Variants in FAM53A observed in about 807,000 individuals in gnomAD.
FAM53A encodes the protein protein FAM53A.
A neutral mutation model predicts 26.6 loss-of-function variants in FAM53A; 28 were observed. The observed-to-expected ratio is 1.05, with a 90% CI of 0.78 to 1.45. The LOEUF is 1.45. FAM53A is among the 40% of genes most tolerant of loss of function. FAM53A has a pLI of 0.00. For synonymous variants in FAM53A, 290 were observed against 253.1 expected (o/e 1.15, Z -1.38); for missense variants, 650 against 575.8 (o/e 1.13, Z -1.32).
At chr4:1,648,224 A>C (rs993752696) in intron 4 of FAM53A, among the ~76,000 whole-genome samples, 3 of 152,120 alleles carry the variant, frequency 2.0e-5, no homozygotes, top group Admixed American at 6.6e-5. Flanking sequence ...AAAACAAAAC[A>C]AAACCAGGAA....
chr4:1,624,129 G>A (rs1313528742), intron 1 of FAM53A, among the ~76,000 whole-genome samples: 1 of 152,232 alleles, frequency 6.6e-6, no homozygotes, highest in East Asian at 1.9e-4. Context: ...AGGCATAGAA[G>A]AGCCCCTTGC....
downstream of FAM53A, among the ~76,000 whole-genome samples, chr4:1,638,149 G>C (rs1030623904): frequency 2.0e-5 from 3 of 152,056 alleles, no homozygotes; most frequent in Non-Finnish European, 4.4e-5. Flanking sequence ...CCTCAGGCAG[G>C]TGACCCTGCA....
At chr4:1,650,430 G>A (rs1313204002) in intron 4 of FAM53A, among the ~76,000 whole-genome samples, 2 of 150,196 alleles carry the variant, frequency 1.3e-5, no homozygotes, top group Admixed American at 6.6e-5. Flanking sequence ...GGTGGCACAG[G>A]TGTGGTGTTT....
At position 1,683,956 on chromosome 4, in the gene FAM53A, A is replaced by C. The variant is rs1715634569; in HGVS notation, c.-165+277T>G. 6.6e-6 allele frequency: 1 copy of C among 151,986 alleles called. No homozygotes were observed. Among genetic ancestry groups the C allele is most frequent in the African/African-American group, 2.4e-5 (1 of 41,380 alleles). 9.4% of individuals were successfully genotyped at this position (151,986 alleles called of 1,614,324 possible). On this transcript the variant is annotated intron_variant, in intron 1 of 4. Transcript: ENST00000308132. ...TTCGGGACGCCCCAAGGCCCCGTTTACCACGGCGACTCCCCGCCTCTCGCG... is the reference window on the plus strand; with the variant it reads ...TTCGGGACGCCCCAAGGCCCCGTTTCCCACGGCGACTCCCCGCCTCTCGCG...
At position 1,668,899 on chromosome 4, in the gene FAM53A, T is replaced by C; in HGVS notation, c.-158A>G. 3.4e-6 allele frequency: 2 copies of C among 592,430 alleles called. No individual in the cohort carries two copies. The highest frequency in any genetic ancestry group is 4.7e-5 in the South Asian group (2 of 42,778). The allele number at this position is 592,430 out of a possible 1,614,324, so 36.7% of individuals were successfully genotyped here. A position where few individuals can be genotyped will look rare whatever the true frequency, so the allele number is the denominator to read the frequency against. Reference sequence around the variant, plus strand: ...GTCCACGCCCACGGGCTCTTCAGGATTTGTGCCTGTTTCTCAGAAGAGAGA... The same window carrying C: ...GTCCACGCCCACGGGCTCTTCAGGACTTGTGCCTGTTTCTCAGAAGAGAGA... On this transcript the variant is annotated 5_prime_UTR_variant, in exon 2 of 5. Coordinates refer to ENST00000308132, the MANE Select transcript of FAM53A (RefSeq NM_001174070.3).
intron 1 of FAM53A, among the ~76,000 whole-genome samples, chr4:1,673,815 G>A (rs923264020): frequency 7.2e-5 from 11 of 152,270 alleles, no homozygotes; most frequent in Non-Finnish European, 1.5e-4. Context: ...ACCCAGCAGT[G>A]TCAAGGCAGC....
the FAM53A span, among the ~76,000 whole-genome samples, chr4:1,594,004 C>A: frequency 1.3e-5 from 2 of 152,136 alleles, no homozygotes; most frequent in Non-Finnish European, 2.9e-5. Flanking sequence ...AAGGCCGACC[C>A]GAGGGAGAGC....
At chr4:1,610,243 GC>G in the FAM53A span, among the ~76,000 whole-genome samples, 3 of 151,172 alleles carry the variant, frequency 2.0e-5, no homozygotes, top group Admixed American at 2.0e-4. Flanking sequence ...TCAACGCGCT[GC>G]CCCCACACCA....
chr4:1,682,286 C>A (rs1164588648), intron 1 of FAM53A, among the ~76,000 whole-genome samples: 82 of 122,404 alleles, frequency 6.7e-4, no homozygotes, highest in Middle Eastern at 6.8e-3. Flanking sequence ...TTTTTTGAGA[C>A]AGAGTCTGGC....
chr4:1,629,591 G>A (rs983507864), intron 1 of FAM53A, among the ~76,000 whole-genome samples: 1 of 152,166 alleles, frequency 6.6e-6, no homozygotes, highest in African/African-American at 2.4e-5. Context: ...CTGCCCGCAC[G>A]GGTCCTCAGC....
At chr4:1,603,136 G>A in the FAM53A span, among the ~76,000 whole-genome samples, 1 of 152,214 alleles carries the variant, frequency 6.6e-6, no homozygotes, top group African/African-American at 2.4e-5. Context: ...GTGTGTATGA[G>A]TGGGGCGAGC....
At chr4:1,596,471 C>A in the FAM53A span, among the ~76,000 whole-genome samples, 1 of 142,832 alleles carries the variant, frequency 7.0e-6, no homozygotes, top group Non-Finnish European at 1.5e-5. Flanking sequence ...GCTGGCTACA[C>A]CGTCCAGATG....
intron 4 of FAM53A, among the ~76,000 whole-genome samples, chr4:1,647,130 T>C (rs988112144): frequency 1.3e-5 from 2 of 151,630 alleles, no homozygotes; most frequent in Admixed American, 1.3e-4. Context: ...AGGTCTAGAG[T>C]TCGAGACCAG....
the FAM53A span, among the ~76,000 whole-genome samples, chr4:1,578,702 G>A: frequency 1.4e-5 from 2 of 147,692 alleles, no homozygotes; most frequent in South Asian, 4.5e-4. Flanking sequence ...CTCGGAGGAG[G>A]CAAGCAGCGA....
In FAM53A at chr4:1,640,728, A is replaced by C. The variant is rs3752744; in HGVS notation, c.*565T>G. The stretch of plus-strand genomic sequence containing the variant: ...CAGGCGGCAGCCGTGGCCCCGACCA[A>C]CTCACAGGAAACCTACTCTGTGCCC... On this transcript the variant is annotated 3_prime_UTR_variant, in exon 5 of 5. Transcript: ENST00000308132. The C allele has an allele frequency of 3.3e-6, 1 of 302,896 alleles. No individual in the cohort carries two copies. Among genetic ancestry groups the C allele is most frequent in the Non-Finnish European group, 6.1e-6 (1 of 163,310 alleles). The allele number at this position is 302,896 out of a possible 1,614,324, so 18.8% of individuals were successfully genotyped here.
chr4:1,618,018 T>C (rs1176998558), exon 2 of FAM53A: 2 of 456,082 alleles, frequency 4.4e-6, no homozygotes, highest in South Asian at 1.5e-5. Context: ...AGCCGACCAG[T>C]GAGGAGACGG....
At chr4:1,683,524 C>G (rs1715600530) in intron 1 of FAM53A, 1 of 152,256 alleles carries the variant, frequency 6.6e-6, no homozygotes. Flanking sequence ...TCCCTTGGCA[C>G]CAGCCACGAG....
At chr4:1,619,055 C>T (rs1577079455) in intron 1 of FAM53A, among the ~76,000 whole-genome samples, 1 of 152,236 alleles carries the variant, frequency 6.6e-6, no homozygotes, top group Non-Finnish European at 1.5e-5. Context: ...TCCACTGAGC[C>T]CCCACCCCAA....
At chr4:1,618,092 G>A in exon 2 of FAM53A, 1 of 456,396 alleles carries the variant, frequency 2.2e-6, no homozygotes, top group South Asian at 1.5e-5. Flanking sequence ...CATACTTGGT[G>A]AAACAGTCCG....
Sources: gnomAD v4.1 joint callset for allele counts (sites outside exome capture counted in the v4.1 genomes callset) on GRCh38, gnomAD v4.1.1 for gene constraint, MANE v1.5 for transcripts, NCBI Gene and HGNC (gene_info 2026-07-23, HGNC 2026-07-21) for gene names.